DLC1: variants seen among roughly 807,000 people sequenced by gnomAD.
DLC1 encodes DLC1 Rho GTPase activating protein.
In DLC1, 54 loss-of-function variants were observed where a neutral mutation model predicts 140.3. The ratio of observed to expected loss-of-function variants is 0.38; its 90% CI spans 0.31 to 0.48. DLC1 has a LOEUF of 0.48. Among genes scored for constraint, DLC1 ranks in the 20% least tolerant of loss-of-function variants. DLC1 has a pLI of 0.96. For synonymous variants in DLC1, 986 were observed against 728.1 expected, an observed-to-expected ratio of 1.35 and a Z score of -5.70; for missense variants, 2,536 against 1,907.0, an observed-to-expected ratio of 1.33 and a Z score of -6.14.
At chr8:13,565,499 A>T (rs1804395054) in intron 1 of DLC1, among the ~76,000 whole-genome samples, 1 of 152,220 alleles carries the variant, frequency 6.6e-6, no homozygotes, top group Admixed American at 6.5e-5. Flanking sequence ...TTTTTTAAAG[A>T]CTACCATTAT....
chr8:13,481,445 TAAAA>T lies in DLC1; in HGVS notation c.1023+17600_1023+17603del, dbSNP rs1395168330. On this transcript the variant is annotated intron_variant, in intron 2 of 17. Transcript: ENST00000276297. ...TTGTCTCAAAAAGTAAATAAATAAA[TAAAA>T]CAAACAAACAGAAGAATAAGCATTT... 3.3e-5 allele frequency among the ~76,000 whole-genome samples: 5 copies of T among 151,634 alleles called. No homozygotes were observed. In the South Asian group the frequency reaches 1.0e-3, roughly 32 times the overall value.
Position 13,099,935 on chromosome 8 carries a change from T to G in DLC1, c.2402A>C (p.Tyr801Ser). The G allele has an allele frequency of 6.2e-7, 1 of 1,613,754 alleles. No individual in the cohort carries two copies. The highest frequency in any genetic ancestry group is 8.5e-7 in the Non-Finnish European group (1 of 1,180,030). Residue 801 changes from tyrosine (Y) to serine (S), a missense_variant, in exon 9 of 18, where the codon TAC (tyrosine) becomes TCC (serine). Transcript: ENST00000276297. ...GATGTAGAACACCGTGTCCTCTGGG[T>G]AGCTCTCGCGGTTCTTAAAGTTCTG... The part of the protein sequence containing the change: ...VEQNFKNRES[Y>S]PEDTVFYIPE...
At chr8:13,533,753 G>T (rs1585249121) in intron 1 of DLC1, among the ~76,000 whole-genome samples, 1 of 152,216 alleles carries the variant, frequency 6.6e-6, no homozygotes, top group African/African-American at 2.4e-5. Flanking sequence ...CCCCATGTGT[G>T]GAGGGAGGGA....
intron 7 of DLC1, among the ~76,000 whole-genome samples, chr8:13,109,796 A>G (rs1439759370): frequency 6.6e-6 from 1 of 150,808 alleles, no homozygotes; most frequent in African/African-American, 2.4e-5. Flanking sequence ...GAGGTAGGAG[A>G]TTTACTTGAA....
intron 1 of DLC1, among the ~76,000 whole-genome samples, chr8:13,588,462 G>C (rs1280988135): frequency 6.6e-6 from 1 of 152,068 alleles, no homozygotes; most frequent in Non-Finnish European, 1.5e-5. Flanking sequence ...AACTTAGGAG[G>C]CAGCAGAATA....
chr8:13,224,265 A>G (rs1828685958), intron 5 of DLC1, among the ~76,000 whole-genome samples: 1 of 152,224 alleles, frequency 6.6e-6, no homozygotes, highest in African/African-American at 2.4e-5. Context: ...AAAAATAGCA[A>G]TGATATTGGT....
At chr8:13,433,393 G>T (rs73208005) in intron 2 of DLC1, among the ~76,000 whole-genome samples, 2 of 152,074 alleles carry the variant, frequency 1.3e-5, no homozygotes, top group East Asian at 3.9e-4. Context: ...CTTCTATTAA[G>T]GTAGTTACAG....
At chr8:13,443,343 TAA>T (rs58765529) in intron 2 of DLC1, among the ~76,000 whole-genome samples, 42,053 of 123,252 alleles carry the variant, frequency 0.34, 6,664 homozygotes, top group Middle Eastern at 0.41. Context: ...CCCTAAAACT[TAA>T]AAAAAAAAAA....
intron 2 of DLC1, among the ~76,000 whole-genome samples, chr8:13,478,890 C>T (rs992568939): frequency 9.9e-5 from 15 of 152,230 alleles, no homozygotes; most frequent in African/African-American, 3.4e-4. Context: ...GATGCTCCCA[C>T]AAAAACTTGC....
rs78170437 is a variant in DLC1, at chr8:13,098,580, G to C, written c.2991-5C>G. 1.2e-4 allele frequency: 187 copies of C among 1,610,686 alleles called. No homozygotes were observed. In the African/African-American group the frequency reaches 2.4e-3, roughly 21 times the overall value. Reference sequence around the variant, plus strand: ...CTGTGCCATCTCAGTCGGTGCCTGCGAGAGAAGAGGAGAGGAAAATGAGTG... The same window carrying C: ...CTGTGCCATCTCAGTCGGTGCCTGCCAGAGAAGAGGAGAGGAAAATGAGTG... On this transcript the variant is annotated splice_region_variant and splice_polypyrimidine_tract_variant and intron_variant, in intron 9 of 17. Transcript: ENST00000276297.
At chr8:13,167,378 C>T (rs1020941991) in intron 5 of DLC1, among the ~76,000 whole-genome samples, 1 of 152,146 alleles carries the variant, frequency 6.6e-6, no homozygotes, top group Non-Finnish European at 1.5e-5. Context: ...TCTGATTACA[C>T]AGAATTACAT....
At chr8:13,395,810 T>C (rs759465145) in intron 3 of DLC1, among the ~76,000 whole-genome samples, 5 of 151,802 alleles carry the variant, frequency 3.3e-5, no homozygotes, top group Non-Finnish European at 7.4e-5. Context: ...TTCTGATGCC[T>C]GGAATGATTT....
At chr8:13,490,186 T>G (rs1455467728) in intron 2 of DLC1, among the ~76,000 whole-genome samples, 2 of 152,360 alleles carry the variant, frequency 1.3e-5, no homozygotes, top group East Asian at 3.9e-4. Flanking sequence ...ATCTCTGGGT[T>G]AATTTTTAAT....
intron 5 of DLC1, among the ~76,000 whole-genome samples, chr8:13,193,005 C>T (rs144124451): frequency 0.013 from 1,954 of 152,280 alleles, 14 homozygotes; most frequent in South Asian, 0.035. Flanking sequence ...GATGAATCTT[C>T]CTCTGCCTAA....
chr8:13,510,023 T>C (rs961294385), intron 1 of DLC1, among the ~76,000 whole-genome samples: 1 of 152,152 alleles, frequency 6.6e-6, no homozygotes, highest in African/African-American at 2.4e-5. Context: ...ATGGTGATGG[T>C]GATGATGACT....
chr8:13,286,718 G>GA lies in DLC1; in HGVS notation c.1348+18550dup, dbSNP rs935126414. Among the ~76,000 whole-genome samples, 33 of 90,130 alleles carry GA rather than the reference G, an allele frequency of 3.7e-4. 1 individual carries two copies. The East Asian group carries it at 7.4e-3, about 20-fold the overall frequency. 59.1% of individuals were successfully genotyped at this position (90,130 alleles called of 152,430 possible). On this transcript the variant is annotated intron_variant, in intron 5 of 17. Coordinates refer to ENST00000276297, the MANE Select transcript of DLC1 (RefSeq NM_182643.3). ...CCTTTTCTTAACTATTTTGAAATAG[G>GA]AAAAAAAATAGAAAAAAAAAAAAAC...
intron 5 of DLC1, among the ~76,000 whole-genome samples, chr8:13,144,414 G>A (rs936922309): frequency 1.3e-5 from 2 of 152,146 alleles, no homozygotes; most frequent in African/African-American, 4.8e-5. Context: ...CCACCTTGCG[G>A]ATGGTGTATT....
chr8:13,575,431 T>G (rs1170448938), intron 1 of DLC1, among the ~76,000 whole-genome samples: 1 of 151,466 alleles, frequency 6.6e-6, no homozygotes, highest in African/African-American at 2.4e-5. Context: ...TTATTATAAT[T>G]AGGGGGTGGG....
intron 5 of DLC1, among the ~76,000 whole-genome samples, chr8:13,131,794 C>T (rs1822116681): frequency 6.6e-6 from 1 of 152,162 alleles, no homozygotes; most frequent in Admixed American, 6.5e-5. Context: ...CTGTCACTGC[C>T]CAAGTTCGCC....
Sources: allele counts gnomAD v4.1 joint callset (sites outside exome capture counted in the v4.1 genomes callset), GRCh38; gene constraint gnomAD v4.1.1; transcripts MANE v1.5; gene names NCBI Gene and HGNC (gene_info 2026-07-23, HGNC 2026-07-21).